VENTX: variants seen among roughly 807,000 people sequenced by gnomAD.
VENTX encodes the protein homeobox protein VENTX.
VENTX carries 13 observed loss-of-function variants against 10.5 expected under a neutral mutation model. That is an observed-to-expected ratio of 1.23 (90% CI 0.80 to 1.96). VENTX has a LOEUF of 1.96. VENTX is among the 30% of genes most tolerant of loss of function. The pLI, the probability that VENTX is intolerant of heterozygous loss-of-function variation, is 0.00. For synonymous variants in VENTX, 177 were observed against 150.4 expected (o/e 1.18, Z -1.29); for missense variants, 400 against 341.8 (o/e 1.17, Z -1.34).
rs1473233950 is a variant in VENTX, at chr10:133,240,514, A to G, written c.*208A>G. On this transcript the variant is annotated 3_prime_UTR_variant, in exon 3 of 3. Coordinates refer to ENST00000325980, the MANE Select transcript of VENTX (RefSeq NM_014468.4). ...TACGTATATATAAATATATATATAC[A>G]TATGTGTGTGTATATATATATATAT... 8.1e-6 allele frequency: 1 copy of G among 123,992 alleles called. No homozygotes were observed. The highest frequency in any genetic ancestry group is 1.4e-5 in the Non-Finnish European group (1 of 74,014). 7.7% of individuals were successfully genotyped at this position (123,992 alleles called of 1,614,324 possible). A position where few individuals can be genotyped will look rare whatever the true frequency, so the allele number is the denominator to read the frequency against.
chr10:133,240,163 G>A lies in VENTX; in HGVS notation c.634G>A (p.Ala212Thr). The A allele has an allele frequency of 1.2e-6, 2 of 1,609,282 alleles. No homozygotes were observed. Among genetic ancestry groups the A allele is most frequent in the Non-Finnish European group, 1.7e-6 (2 of 1,179,852 alleles). ...FWGLCQVAQE[A>T]LASAGASCCG... is the part of the protein sequence containing the mutation. ...GGGTCTCTGCCAAGTGGCACAAGAG[G>A]CCCTGGCATCTGCGGGAGCTTCCTG... The change falls in exon 3 of 3, where the codon GCC (alanine) becomes ACC (threonine). Residue 212 changes from alanine to threonine, a missense_variant. Physicochemically the swap from Ala to Thr is moderately conservative, Grantham distance 58 (BLOSUM62 0). Transcript: ENST00000325980.
chr10:133,239,536 G>A (rs1589788719), intron 1 of VENTX, 140 bp from the exon 2 acceptor site: 2 of 1,002,902 alleles, frequency 2.0e-6, no homozygotes, highest in East Asian at 5.3e-5. Context: ...GGAGGCGGCG[G>A]GGGTGCTGCT....
rs1845934331 is a variant in VENTX, at chr10:133,241,522, G to A, written c.*1216G>A. ...TGCGTGCATGAAACCTGAGACAAGT[G>A]CAATTCCTTCCATGTCGCCCCAGAG... On this transcript the variant is annotated 3_prime_UTR_variant, in exon 3 of 3. Transcript: ENST00000325980. The A allele has an allele frequency of 6.6e-6, 1 of 152,276 alleles. No individual in the cohort carries two copies. Among genetic ancestry groups the A allele is most frequent in the Non-Finnish European group, 1.5e-5 (1 of 68,070 alleles). The allele number at this position is 152,276 out of a possible 1,614,324, so 9.4% of individuals were successfully genotyped here. A position where few individuals can be genotyped will look rare whatever the true frequency, so the allele number is the denominator to read the frequency against.
intron 1 of VENTX, 81 bp downstream of exon 1, chr10:133,238,236 TC>T: frequency 6.9e-7 from 1 of 1,459,192 alleles, no homozygotes; most frequent in Non-Finnish European, 9.0e-7. Context: ...GCGGCTGCAC[TC>T]CCCGCGGTGC....
At position 133,240,313 on chromosome 10, in the gene VENTX, AC is replaced by A. The variant is rs2136051918; in HGVS notation, c.*9del. The A allele has an allele frequency of 6.4e-7, 1 of 1,565,384 alleles. No homozygotes were observed. Among genetic ancestry groups the A allele is most frequent in the Admixed American group, 1.9e-5 (1 of 53,376 alleles). ...GACGGGGGATGCATTTTGAGGAGGC[AC>A]CTCTGACTCCCACACTCGCGGTCTT... On this transcript the variant is annotated 3_prime_UTR_variant, in exon 3 of 3. Transcript: ENST00000325980.
In VENTX at chr10:133,240,009, G is replaced by A. The variant is rs139394666; in HGVS notation, c.480G>A (p.Ser160=). The change falls in exon 3 of 3, where the codon TCG becomes TCA. Residue 160 remains serine, a synonymous_variant. Coordinates refer to ENST00000325980, the MANE Select transcript of VENTX (RefSeq NM_014468.4). ...MQDPQLHSPF[S]GSLHAPPAFY... ...ACCCCCAGCTGCACAGCCCCTTCTC[G>A]GGGTCTCTCCATGCGCCCCCAGCTT... 35 of 1,612,130 alleles carry A rather than the reference G, an allele frequency of 2.2e-5. No homozygotes were observed. Among genetic ancestry groups the A allele is most frequent in the East Asian group, 1.3e-4 (6 of 44,904 alleles).
At position 133,240,191 on chromosome 10, in the gene VENTX, G is replaced by T. The variant is rs1050125780; in HGVS notation, c.662G>T (p.Cys221Phe). ...EALASAGASC[C>F]GQPLASHPPT... ...CTGGCATCTGCGGGAGCTTCCTGCTGCGGGCAGCCTCTGGCGTCCCACCCC... is the reference window on the plus strand; with the variant it reads ...CTGGCATCTGCGGGAGCTTCCTGCTTCGGGCAGCCTCTGGCGTCCCACCCC... Residue 221 changes from cysteine to phenylalanine, a missense_variant, in exon 3 of 3, where the codon TGC (cysteine) becomes TTC (phenylalanine). Transcript: ENST00000325980. The T allele has an allele frequency of 7.5e-6, 12 of 1,609,802 alleles. No homozygotes were observed. The highest frequency in any genetic ancestry group is 1.0e-5 in the Non-Finnish European group (12 of 1,179,736).
Position 133,240,358 on chromosome 10 carries a change from C to G in VENTX, c.*52C>G. The stretch of plus-strand genomic sequence containing the variant: ...CGGTCTTGCTGATCGCACCTGGCTC[C>G]TACCTGGAGGACTCAGTTGTTCTGT... On this transcript the variant is annotated 3_prime_UTR_variant, in exon 3 of 3. Transcript: ENST00000325980. 1 of 1,518,918 alleles carries G rather than the reference C, an allele frequency of 6.6e-7. No individual in the cohort carries two copies. Among genetic ancestry groups the G allele is most frequent in the Non-Finnish European group, 8.8e-7 (1 of 1,134,338 alleles). The allele number at this position is 1,518,918 out of a possible 1,614,324, so 94.1% of individuals were successfully genotyped here.
rs759463983 is a variant in VENTX at position 133,239,997 on chromosome 10, C to T, written c.468C>T (p.His156=). Residue 156 remains histidine (H), a synonymous_variant, in exon 3 of 3, where the codon CAC becomes CAT. Transcript: ENST00000325980. ...GGCAAATGCAGGACCCCCAGCTGCA[C>T]AGCCCCTTCTCGGGGTCTCTCCATG... is the stretch of plus-strand genomic sequence containing the variant. The part of the protein sequence containing the change: ...HKRQMQDPQL[H]SPFSGSLHAP... 1 of 1,612,390 alleles carries T rather than the reference C, an allele frequency of 6.2e-7. No individual in the cohort carries two copies. The highest frequency in any genetic ancestry group is 2.2e-5 in the East Asian group (1 of 44,880).
In VENTX at chr10:133,240,171, A is replaced by G. The variant is rs749239432; in HGVS notation, c.642A>G (p.Ala214=). 15 of 1,609,364 alleles carry G rather than the reference A, an allele frequency of 9.3e-6. No individual in the cohort carries two copies. The African/African-American group carries it at 1.6e-4, about 17-fold the overall frequency. The change falls in exon 3 of 3, where the codon GCA becomes GCG. Residue 214 remains alanine (A), a synonymous_variant. Transcript: ENST00000325980. ...GLCQVAQEAL[A]SAGASCCGQP... ...GCCAAGTGGCACAAGAGGCCCTGGC[A>G]TCTGCGGGAGCTTCCTGCTGCGGGC...
In VENTX at chr10:133,240,501, AATAT is replaced by A; in HGVS notation, c.*203_*206del. 5.2e-6 allele frequency: 1 copy of A among 192,576 alleles called. No homozygotes were observed. The highest frequency in any genetic ancestry group is 1.8e-4 in the South Asian group (1 of 5,682). 11.9% of individuals were successfully genotyped at this position (192,576 alleles called of 1,614,324 possible). A position where few individuals can be genotyped will look rare whatever the true frequency, so the allele number is the denominator to read the frequency against. Reference sequence around the variant, plus strand: ...GTAAATACACATATACGTATATATAAATATATATATACATATGTGTGTGTATATA... The same window carrying A: ...GTAAATACACATATACGTATATATAAATATATACATATGTGTGTGTATATA... On this transcript the variant is annotated 3_prime_UTR_variant, in exon 3 of 3. Coordinates refer to ENST00000325980, the MANE Select transcript of VENTX (RefSeq NM_014468.4).
In VENTX at chr10:133,240,336, T is replaced by C; in HGVS notation, c.*30T>C. 6.5e-6 allele frequency: 10 copies of C among 1,540,364 alleles called. No individual in the cohort carries two copies. Among genetic ancestry groups the C allele is most frequent in the Non-Finnish European group, 8.8e-6 (10 of 1,142,362 alleles). On this transcript the variant is annotated 3_prime_UTR_variant, in exon 3 of 3. Coordinates refer to ENST00000325980, the MANE Select transcript of VENTX (RefSeq NM_014468.4). ...GCACCTCTGACTCCCACACTCGCGG[T>C]CTTGCTGATCGCACCTGGCTCCTAC...
chr10:133,238,446 G>A (rs1016406892), intron 1 of VENTX, among the ~76,000 whole-genome samples: 2 of 152,082 alleles, frequency 1.3e-5, no homozygotes, highest in African/African-American at 2.4e-5. Flanking sequence ...CCGGCCTGGT[G>A]CCGAGGGACC....
Position 133,237,942 on chromosome 10 carries a change from G to A in VENTX, c.28G>A (p.Gly10Ser). MRLSSSPPRGPQQLSSFGSV... is the reference protein window; with the variant it reads MRLSSSPPRSPQQLSSFGSV... The stretch of plus-strand genomic sequence containing the variant: ...GCGCCTCTCCTCCTCCCCACCTCGT[G>A]GCCCGCAGCAGCTCTCCAGCTTTGG... The change falls in exon 1 of 3, where the codon GGC (glycine) becomes AGC (serine). Residue 10 changes from glycine (G) to serine (S), a missense_variant. Physicochemically the swap from Gly to Ser is moderately conservative, Grantham distance 56 (BLOSUM62 0). Transcript: ENST00000325980. The A allele has an allele frequency of 6.3e-7, 1 of 1,595,510 alleles. No homozygotes were observed. Among genetic ancestry groups the A allele is most frequent in the Non-Finnish European group, 8.5e-7 (1 of 1,176,754 alleles).
In VENTX at chr10:133,240,349, A is replaced by G. The variant is rs767948686; in HGVS notation, c.*43A>G. 3.9e-6 allele frequency: 6 copies of G among 1,527,898 alleles called. No individual in the cohort carries two copies. The African/African-American group carries it at 5.6e-5, about 14-fold the overall frequency. 94.6% of individuals were successfully genotyped at this position (1,527,898 alleles called of 1,614,324 possible). On this transcript the variant is annotated 3_prime_UTR_variant, in exon 3 of 3. Transcript: ENST00000325980. The stretch of plus-strand genomic sequence containing the variant: ...CCACACTCGCGGTCTTGCTGATCGC[A>G]CCTGGCTCCTACCTGGAGGACTCAG...
chr10:133,239,483 C>A (rs758089099), intron 1 of VENTX, among the ~76,000 whole-genome samples, 193 bp from the exon 2 acceptor site: 4 of 152,212 alleles, frequency 2.6e-5, no homozygotes, highest in Non-Finnish European at 5.9e-5. Context: ...ATTCCCTCCC[C>A]TCTTGAGCCC....
At chr10:133,239,580 A>G in intron 1 of VENTX, 96 bp from the exon 2 acceptor site, 1 of 1,463,056 alleles carries the variant, frequency 6.8e-7, no homozygotes, top group South Asian at 1.3e-5. Context: ...TGCCCTGCCC[A>G]GCCCCCAGCA....
intron 1 of VENTX, 144 bp from the exon 2 acceptor site, chr10:133,239,532 G>C: frequency 1.0e-6 from 1 of 963,472 alleles, no homozygotes; most frequent in East Asian, 2.6e-5. Context: ...CCTGGGAGGC[G>C]GCGGGGGTGC....
At chr10:133,239,584 C>T (rs1192448725) in intron 1 of VENTX, 92 bp from the exon 2 acceptor site, 2 of 1,486,070 alleles carry the variant, frequency 1.3e-6, no homozygotes, top group Non-Finnish European at 9.1e-7. Flanking sequence ...CTGCCCAGCC[C>T]CCAGCATGGC....
Sources: allele counts gnomAD v4.1 joint callset (sites outside exome capture counted in the v4.1 genomes callset), GRCh38; gene constraint gnomAD v4.1.1; transcripts MANE v1.5; gene names NCBI Gene and HGNC (gene_info 2026-07-23, HGNC 2026-07-21).